Variants in GRIA2 observed in about 807,000 individuals in gnomAD.
The protein encoded by GRIA2 is glutamate ionotropic receptor AMPA type subunit 2.
GRIA2 carries 14 observed loss-of-function variants against 97.3 expected under a neutral mutation model. That is an observed-to-expected ratio of 0.14 (90% CI 0.10 to 0.23). The LOEUF is 0.23. Ranked by LOEUF, GRIA2 falls within the 10% of genes least tolerant of loss-of-function variation. The pLI, the probability that GRIA2 is intolerant of heterozygous loss-of-function variation, is 1.00. For synonymous variants in GRIA2, 412 were observed against 387.8 expected (o/e 1.06, Z -0.73); for missense variants, 558 against 1,069.8 (o/e 0.52, Z 6.67).
At chr4:157,254,710 A>T (rs1731165247) in intron 2 of GRIA2, among the ~76,000 whole-genome samples, 2 of 152,066 alleles carry the variant, frequency 1.3e-5, no homozygotes, top group Admixed American at 6.6e-5. Flanking sequence ...CTTTAACTTA[A>T]TCAAATGTGT....
At chr4:157,245,521 A>C (rs1730694188) in intron 2 of GRIA2, among the ~76,000 whole-genome samples, 2 of 152,006 alleles carry the variant, frequency 1.3e-5, no homozygotes, top group Non-Finnish European at 2.9e-5. Flanking sequence ...AAACTGTTAA[A>C]ATCTAATAAC....
chr4:157,309,409 T>A (rs1733978282), intron 3 of GRIA2, among the ~76,000 whole-genome samples: 1 of 149,802 alleles, frequency 6.7e-6, no homozygotes, highest in Non-Finnish European at 1.5e-5. Flanking sequence ...TGTAGTGCAG[T>A]GGCGTGACCT....
chr4:157,229,518 G>A (rs934399121), intron 2 of GRIA2, among the ~76,000 whole-genome samples: 2 of 152,234 alleles, frequency 1.3e-5, no homozygotes, highest in South Asian at 2.1e-4. Flanking sequence ...AAAGGGAATT[G>A]GTGAGTAGCT....
At chr4:157,227,009 C>A (rs1208360584) in intron 2 of GRIA2, among the ~76,000 whole-genome samples, 2 of 151,972 alleles carry the variant, frequency 1.3e-5, no homozygotes, top group African/African-American at 2.4e-5. Flanking sequence ...TGAAGAATTT[C>A]AAGAAAATGA....
At chr4:157,250,796 A>G (rs1392630464) in intron 2 of GRIA2, among the ~76,000 whole-genome samples, 1 of 152,122 alleles carries the variant, frequency 6.6e-6, no homozygotes, top group Non-Finnish European at 1.5e-5. Flanking sequence ...CATAAAACAC[A>G]ATCTTCTCAA....
chr4:157,242,635 T>C (rs1360031862), intron 2 of GRIA2, among the ~76,000 whole-genome samples: 1 of 152,082 alleles, frequency 6.6e-6, no homozygotes, highest in Non-Finnish European at 1.5e-5. Context: ...AGTAGTTATG[T>C]TCTAAAAATT....
chr4:157,233,864 ATTG>A (rs576240787), intron 2 of GRIA2, among the ~76,000 whole-genome samples: 74 of 152,136 alleles, frequency 4.9e-4, no homozygotes, highest in African/African-American at 1.5e-3. Context: ...CATAAGTGGA[ATTG>A]TTATTATACC....
chr4:157,236,592 A>T (rs1041727429), intron 2 of GRIA2, among the ~76,000 whole-genome samples: 1 of 152,116 alleles, frequency 6.6e-6, no homozygotes, highest in Non-Finnish European at 1.5e-5. Context: ...TTGTAGTCAA[A>T]AAGTGTTTGC....
At chr4:157,233,210 A>T (rs997721764) in intron 2 of GRIA2, among the ~76,000 whole-genome samples, 3 of 152,174 alleles carry the variant, frequency 2.0e-5, no homozygotes, top group African/African-American at 7.2e-5. Flanking sequence ...CACATAAGTC[A>T]CTGAAAGATA....
chr4:157,363,187 G>T, intron 15 of GRIA2, 140 bp downstream of exon 15: 1 of 925,302 alleles, frequency 1.1e-6, no homozygotes, highest in Non-Finnish European at 1.6e-6. Context: ...CCCAGTTGGT[G>T]ACTAACCTGC....
intron 2 of GRIA2, among the ~76,000 whole-genome samples, chr4:157,235,153 A>G (rs1301328741): frequency 6.6e-6 from 1 of 152,160 alleles, no homozygotes; most frequent in Non-Finnish European, 1.5e-5. Context: ...GAAGTAGAAT[A>G]CACTGGATAA....
chr4:157,299,784 A>C (rs1474715894), intron 2 of GRIA2, among the ~76,000 whole-genome samples: 1 of 152,196 alleles, frequency 6.6e-6, no homozygotes, highest in East Asian at 1.9e-4. Flanking sequence ...GAGTTTCTCA[A>C]AGTTGATATT....
intron 2 of GRIA2, among the ~76,000 whole-genome samples, chr4:157,284,834 C>A (rs146482078): frequency 3.3e-5 from 5 of 151,742 alleles, no homozygotes; most frequent in East Asian, 3.9e-4. Context: ...ATTATATACT[C>A]CAGTGCCTGG....
intron 2 of GRIA2, among the ~76,000 whole-genome samples, chr4:157,226,204 C>A (rs940940556): frequency 4.0e-5 from 6 of 151,738 alleles, no homozygotes; most frequent in African/African-American, 1.5e-4. Context: ...AAGGAAACAG[C>A]AAATAAAAAT....
At chr4:157,288,127 T>G (rs976653706) in intron 2 of GRIA2, among the ~76,000 whole-genome samples, 1 of 151,736 alleles carries the variant, frequency 6.6e-6, no homozygotes, top group Non-Finnish European at 1.5e-5. Context: ...AAGTATAATT[T>G]TTTTTTAATT....
intron 2 of GRIA2, among the ~76,000 whole-genome samples, chr4:157,286,787 A>G (rs1732866100): frequency 6.6e-6 from 1 of 151,504 alleles, no homozygotes; most frequent in African/African-American, 2.4e-5. Flanking sequence ...TGTAGGTATT[A>G]CTCTACTGTC....
intron 6 of GRIA2, among the ~76,000 whole-genome samples, chr4:157,330,416 A>T (rs991659938): frequency 1.4e-4 from 22 of 152,036 alleles, no homozygotes; most frequent in African/African-American, 5.3e-4. Context: ...AAATTTTATT[A>T]TGATGTAGAT....
intron 2 of GRIA2, among the ~76,000 whole-genome samples, chr4:157,289,066 C>T (rs761882144): frequency 1.3e-5 from 2 of 151,762 alleles, no homozygotes; most frequent in Admixed American, 1.3e-4. Flanking sequence ...GCAGAAAGTA[C>T]ATTGGAGCTC....
At position 157,312,687 on chromosome 4, in the gene GRIA2, A is replaced by G. The variant is rs1274335547; in HGVS notation, c.478A>G (p.Thr160Ala). ...YLYDSDRGLS[T>A]LQAVLDSAAE... is the part of the protein sequence containing the mutation. Reference sequence around the variant, plus strand: ...TTTCTTTGCCTTCCTAGGCTTATCAACACTGCAAGCTGTGCTGGATTCTGC... The same window carrying G: ...TTTCTTTGCCTTCCTAGGCTTATCAGCACTGCAAGCTGTGCTGGATTCTGC... Residue 160 changes from threonine (T) to alanine (A), a missense_variant, in exon 4 of 16, where the codon ACA (threonine) becomes GCA (alanine). Physicochemically the swap from Thr to Ala is moderately conservative, Grantham distance 58. Coordinates refer to ENST00000264426, the MANE Select transcript of GRIA2 (RefSeq NM_001083619.3). 1.3e-6 allele frequency: 2 copies of G among 1,591,264 alleles called. No homozygotes were observed. The highest frequency in any genetic ancestry group is 1.4e-5 in the African/African-American group (1 of 73,900).
Sources: allele counts gnomAD v4.1 joint callset (sites outside exome capture counted in the v4.1 genomes callset), GRCh38; gene constraint gnomAD v4.1.1; transcripts MANE v1.5; gene names NCBI Gene and HGNC (gene_info 2026-07-23, HGNC 2026-07-21).